TRPC7: variants seen among roughly 807,000 people sequenced by gnomAD.
TRPC7 encodes short transient receptor potential channel 7.
Under a neutral mutation model 90.1 loss-of-function variants are expected in TRPC7, and 42 were observed. The observed-to-expected ratio is 0.47, with a 90% CI of 0.36 to 0.60. The LOEUF (loss-of-function observed/expected upper bound fraction) is 0.60, where lower values mean the gene tolerates loss of function less well. Ranked by LOEUF, TRPC7 falls within the 20% of genes least tolerant of loss-of-function variation. TRPC7 has a pLI of 0.00. For synonymous variants in TRPC7, 451 were observed against 436.3 expected (o/e 1.03, Z -0.42); for missense variants, 955 against 1,112.3 (o/e 0.86, Z 2.01).
intron 2 of TRPC7, among the ~76,000 whole-genome samples, chr5:136,355,765 T>C (rs886802006): frequency 2.0e-5 from 3 of 152,164 alleles, no homozygotes; most frequent in Non-Finnish European, 2.9e-5. Flanking sequence ...GCCACTGCAC[T>C]CTAGCCTGGG....
intron 2 of TRPC7, among the ~76,000 whole-genome samples, chr5:136,337,153 G>A (rs537574307): frequency 1.3e-5 from 2 of 152,268 alleles, no homozygotes; most frequent in East Asian, 1.9e-4. Flanking sequence ...GTTCCCTTAC[G>A]TAACCTCTAA....
chr5:136,262,264 G>C (rs1166066213), intron 5 of TRPC7, among the ~76,000 whole-genome samples: 2 of 152,122 alleles, frequency 1.3e-5, no homozygotes, highest in Non-Finnish European at 2.9e-5. Context: ...CTCTCCAAAG[G>C]CTGCCTCCTC....
intron 2 of TRPC7, among the ~76,000 whole-genome samples, chr5:136,326,428 C>T (rs1759350515): frequency 6.6e-6 from 1 of 152,106 alleles, no homozygotes; most frequent in Non-Finnish European, 1.5e-5. Context: ...TGGTGGGGTC[C>T]TGTAGACATT....
chr5:136,355,130 T>A (rs1760321648), intron 2 of TRPC7, among the ~76,000 whole-genome samples: 1 of 152,208 alleles, frequency 6.6e-6, no homozygotes, highest in African/African-American at 2.4e-5. Flanking sequence ...ATGTAGCACA[T>A]GATAGTCTCT....
At chr5:136,356,363 A>G (rs923878117) in intron 2 of TRPC7, among the ~76,000 whole-genome samples, 1 of 152,214 alleles carries the variant, frequency 6.6e-6, no homozygotes, top group Admixed American at 6.5e-5. Context: ...CTTTTACTGC[A>G]TGCATTTGTA....
At chr5:136,305,096 C>T (rs1758566397) in intron 3 of TRPC7, among the ~76,000 whole-genome samples, 1 of 152,214 alleles carries the variant, frequency 6.6e-6, no homozygotes, top group African/African-American at 2.4e-5. Flanking sequence ...CTCCCCGGCT[C>T]CTTCAGCTGT....
intron 3 of TRPC7, among the ~76,000 whole-genome samples, chr5:136,303,404 C>T (rs1174712597): frequency 2.0e-5 from 3 of 152,186 alleles, no homozygotes; most frequent in African/African-American, 7.2e-5. Flanking sequence ...GTTAACCTCA[C>T]CTTCAAGGTG....
chr5:136,249,743 G>A (rs1302887666), intron 6 of TRPC7, among the ~76,000 whole-genome samples: 1 of 152,148 alleles, frequency 6.6e-6, no homozygotes. Context: ...TGGACAAAGG[G>A]GTTTTCTCCT....
intron 7 of TRPC7, among the ~76,000 whole-genome samples, chr5:136,241,839 A>C (rs1756178214): frequency 6.6e-6 from 1 of 152,198 alleles, no homozygotes; most frequent in Non-Finnish European, 1.5e-5. Context: ...TATAGGTGTG[A>C]GCCACCGCGC....
rs772730157 is a variant in TRPC7, at chr5:136,349,168, A to T, written c.780+7440T>A. ...TTTTGCTTCTCTATCTTTCCAGCCC[A>T]TGTCGCCTCTCTCCACAGTAATATG... On this transcript the variant is annotated intron_variant, in intron 2 of 11. Coordinates refer to ENST00000513104, the MANE Select transcript of TRPC7 (RefSeq NM_020389.3). Among the ~76,000 whole-genome samples, 143 of 151,998 alleles carry T rather than the reference A, an allele frequency of 9.4e-4. 3 individuals carry two copies. The highest frequency in any genetic ancestry group is 1.7e-3 in the Non-Finnish European group (117 of 68,016).
intron 5 of TRPC7, 97 bp from the exon 6 acceptor site, chr5:136,251,979 T>C: frequency 1.0e-6 from 1 of 987,034 alleles, no homozygotes; most frequent in Non-Finnish European, 1.6e-6. Flanking sequence ...AATGTAAATA[T>C]CAGCTCTTTG....
chr5:136,216,356 C>T (rs1319552764), intron 10 of TRPC7, 81 bp from the exon 11 acceptor site: 2 of 1,139,128 alleles, frequency 1.8e-6, no homozygotes, highest in Admixed American at 2.0e-5. Context: ...GGACCCCTCC[C>T]TCCCTTGAAG....
chr5:136,310,644 C>T (rs1758796195), intron 3 of TRPC7, among the ~76,000 whole-genome samples: 1 of 152,174 alleles, frequency 6.6e-6, no homozygotes. Flanking sequence ...AACCAAGCTG[C>T]ATCCCAAGAT....
intron 4 of TRPC7, among the ~76,000 whole-genome samples, chr5:136,273,042 G>A (rs1757255664): frequency 6.6e-6 from 1 of 152,192 alleles, no homozygotes; most frequent in African/African-American, 2.4e-5. Flanking sequence ...GCTCCTGTTG[G>A]CAAGTCCCAG....
chr5:136,287,403 G>T (rs911216189), intron 3 of TRPC7, among the ~76,000 whole-genome samples: 4 of 152,092 alleles, frequency 2.6e-5, no homozygotes, highest in Non-Finnish European at 4.4e-5. Context: ...GGAAAGGGGA[G>T]TGGGGTTTGA....
intron 4 of TRPC7, among the ~76,000 whole-genome samples, chr5:136,266,724 C>T (rs1757045585): frequency 6.6e-6 from 1 of 152,162 alleles, no homozygotes; most frequent in Non-Finnish European, 1.5e-5. Flanking sequence ...GCACTGATAC[C>T]TCCAACTGCA....
chr5:136,275,032 C>T (rs1470879689), intron 3 of TRPC7, among the ~76,000 whole-genome samples, 195 bp from the exon 4 acceptor site: 1 of 152,106 alleles, frequency 6.6e-6, no homozygotes, highest in African/African-American at 2.4e-5. Flanking sequence ...GAACTTTGTG[C>T]TGTGGCCAGA....
At chr5:136,276,427 G>A (rs1022112931) in intron 3 of TRPC7, among the ~76,000 whole-genome samples, 2 of 152,136 alleles carry the variant, frequency 1.3e-5, no homozygotes, top group Non-Finnish European at 2.9e-5. Context: ...CATATACAAC[G>A]ATTCCTGGGA....
At chr5:136,350,487 T>A (rs1474458856) in intron 2 of TRPC7, among the ~76,000 whole-genome samples, 1 of 152,240 alleles carries the variant, frequency 6.6e-6, no homozygotes, top group Non-Finnish European at 1.5e-5. Context: ...TTAGGCACTA[T>A]TTGTGACCCA....
Sources: gnomAD v4.1 joint callset for allele counts (sites outside exome capture counted in the v4.1 genomes callset) on GRCh38, gnomAD v4.1.1 for gene constraint, MANE v1.5 for transcripts, NCBI Gene and HGNC (gene_info 2026-07-23, HGNC 2026-07-21) for gene names.